Variants in STUM observed in about 807,000 individuals in gnomAD.
STUM encodes stum, mechanosensory transduction mediator homolog.
A neutral mutation model predicts 15.3 loss-of-function variants in STUM; 8 were observed. The ratio of observed to expected loss-of-function variants is 0.52; its 90% CI spans 0.31 to 0.94. The LOEUF is 0.94. Among genes scored for constraint, STUM ranks in the 40% least tolerant of loss-of-function variants. The pLI is 0.05. For synonymous variants in STUM, 78 were observed against 88.7 expected, an observed-to-expected ratio of 0.88 and a Z score of 0.68; for missense variants, 142 against 204.9, an observed-to-expected ratio of 0.69 and a Z score of 1.87.
intron 1 of STUM, among the ~76,000 whole-genome samples, chr1:226,589,599 C>T (rs1571810036): frequency 2.0e-5 from 3 of 152,186 alleles, no homozygotes; most frequent in Admixed American, 2.0e-4. Flanking sequence ...CATGGTAGGA[C>T]GTGCAAACCA....
chr1:226,601,120 G>GT (rs3068290), intron 3 of STUM, among the ~76,000 whole-genome samples: 8,314 of 149,826 alleles, frequency 0.055, 268 homozygotes, highest in South Asian at 0.15. Flanking sequence ...AGTAGGTATC[G>GT]TTTTTTTTTT....
rs968907088 is a variant in STUM, at chr1:226,552,392, C to G, written c.202+3286C>G. ...TACTAATAAAGACCACCGTTGGTAC[C>G]TTCATGTTCCAACAATTAGGGTGTT... On this transcript the variant is annotated intron_variant, in intron 1 of 3. Transcript: ENST00000366788. This position sits in a 1 kb window ranked among gnomAD's most constrained non-coding sequence, Gnocchi z 4.7. 6.6e-6 allele frequency among the ~76,000 whole-genome samples: 1 copy of G among 152,178 alleles called. No homozygotes were observed. The highest frequency in any genetic ancestry group is 1.5e-5 in the Non-Finnish European group (1 of 68,044).
chr1:226,569,276 G>A (rs1667669379), intron 1 of STUM, among the ~76,000 whole-genome samples: 1 of 152,148 alleles, frequency 6.6e-6, no homozygotes, highest in East Asian at 1.9e-4. Context: ...ATATAGTGAG[G>A]CTTACATGTT....
chr1:226,572,702 A>C (rs2102695995), intron 1 of STUM, among the ~76,000 whole-genome samples: 1 of 152,276 alleles, frequency 6.6e-6, no homozygotes, highest in South Asian at 2.1e-4. Context: ...AAAGTGCCCC[A>C]ACCTCTGGGG....
intron 1 of STUM, among the ~76,000 whole-genome samples, chr1:226,582,271 A>C (rs769877657): frequency 3.3e-5 from 5 of 152,220 alleles, no homozygotes; most frequent in Non-Finnish European, 7.3e-5. Flanking sequence ...TAGGTTTCTC[A>C]AATCCATTTG....
chr1:226,606,471 T>C lies in STUM; in HGVS notation c.*4431T>C, dbSNP rs1038435384. 3 of 152,180 alleles carry C rather than the reference T, an allele frequency of 2.0e-5. No homozygotes were observed. Among genetic ancestry groups the C allele is most frequent in the African/African-American group, 7.2e-5 (3 of 41,430 alleles). 9.4% of individuals were successfully genotyped at this position (152,180 alleles called of 1,614,324 possible). A position where few individuals can be genotyped will look rare whatever the true frequency, so the allele number is the denominator to read the frequency against. ...GGCTGTTTCTTATGGTGTTAGTGAA[T>C]TTTGCAAAGAAAGCCCTGAGCATTG... On this transcript the variant is annotated 3_prime_UTR_variant, in exon 4 of 4. Coordinates refer to ENST00000366788, the MANE Select transcript of STUM (RefSeq NM_001003665.4).
chr1:226,608,727 G>C lies in STUM; in HGVS notation c.*6687G>C, dbSNP rs1487761893. 6.6e-6 allele frequency: 1 copy of C among 152,172 alleles called. No homozygotes were observed. The highest frequency in any genetic ancestry group is 2.4e-5 in the African/African-American group (1 of 41,404). The allele number at this position is 152,172 out of a possible 1,614,324, so 9.4% of individuals were successfully genotyped here. On this transcript the variant is annotated 3_prime_UTR_variant, in exon 4 of 4. Transcript: ENST00000366788. The surrounding 1 kb of genome is among the most constrained non-coding windows in gnomAD (Gnocchi z 4.0). Reference sequence around the variant, plus strand: ...GTATTTCCAGCCTATTCCAATGACTGAAACCCTTCTTGGAAGAAAACGTCT... The same window carrying C: ...GTATTTCCAGCCTATTCCAATGACTCAAACCCTTCTTGGAAGAAAACGTCT...
At chr1:226,585,805 G>C (rs1364069209) in intron 1 of STUM, among the ~76,000 whole-genome samples, 1 of 152,204 alleles carries the variant, frequency 6.6e-6, no homozygotes, top group Non-Finnish European at 1.5e-5. Context: ...AATTCGGTAT[G>C]ATTTTAAGGA....
At position 226,600,577 on chromosome 1, in the gene STUM, C is replaced by T. The variant is rs371760571; in HGVS notation, c.383-89C>T. The T allele has an allele frequency of 2.7e-5, 40 of 1,495,380 alleles. No individual in the cohort carries two copies. Among genetic ancestry groups the T allele is most frequent in the Non-Finnish European group, 3.1e-5 (34 of 1,081,670 alleles). The allele number at this position is 1,495,380 out of a possible 1,614,324, so 92.6% of individuals were successfully genotyped here. A position where few individuals can be genotyped will look rare whatever the true frequency, so the allele number is the denominator to read the frequency against. ...GATCTGCTTTGTTTCCTGTGCCAAGCGTTCCCTGTGGCTCTGTTTTCAGGC... is the reference window on the plus strand; with the variant it reads ...GATCTGCTTTGTTTCCTGTGCCAAGTGTTCCCTGTGGCTCTGTTTTCAGGC... On this transcript the variant is annotated intron_variant, in intron 2 of 3. Transcript: ENST00000366788. The surrounding 1 kb of genome is among the most constrained non-coding windows in gnomAD (Gnocchi z 5.2).
At chr1:226,583,537 T>G (rs192319986) in intron 1 of STUM, among the ~76,000 whole-genome samples, 1 of 152,340 alleles carries the variant, frequency 6.6e-6, no homozygotes, top group East Asian at 1.9e-4. Context: ...CAGGACAGCA[T>G]AAAGCAATTC....
At chr1:226,575,424 G>T (rs536776595) in intron 1 of STUM, among the ~76,000 whole-genome samples, 1 of 152,368 alleles carries the variant, frequency 6.6e-6, no homozygotes, top group Admixed American at 6.5e-5. Context: ...CCAGCAGGCT[G>T]CCCTCCAATC....
chr1:226,585,642 C>T (rs988480229), intron 1 of STUM, among the ~76,000 whole-genome samples: 2 of 152,176 alleles, frequency 1.3e-5, no homozygotes, highest in African/African-American at 4.8e-5. Flanking sequence ...GCCTCAGTCC[C>T]CACTCAGAGG....
chr1:226,590,681 G>A lies in STUM; in HGVS notation c.203-6121G>A, dbSNP rs145069874. Among the ~76,000 whole-genome samples, 491 of 152,164 alleles carry A rather than the reference G, an allele frequency of 3.2e-3. 3 individuals carry two copies. The highest frequency in any genetic ancestry group is 5.5e-3 in the Non-Finnish European group (374 of 68,012). On this transcript the variant is annotated intron_variant, in intron 1 of 3. Coordinates refer to ENST00000366788, the MANE Select transcript of STUM (RefSeq NM_001003665.4). The stretch of plus-strand genomic sequence containing the variant: ...TGGGCATTTTAATCTCCATGTGAAC[G>A]GCCAGGCCAGCCTGTCTCCAGATGC...
intron 1 of STUM, among the ~76,000 whole-genome samples, chr1:226,570,077 C>G (rs1433982448): frequency 6.6e-6 from 1 of 152,140 alleles, no homozygotes; most frequent in Non-Finnish European, 1.5e-5. Flanking sequence ...CCCTGGAGGC[C>G]CTCCTTCACA....
intron 1 of STUM, among the ~76,000 whole-genome samples, chr1:226,562,763 A>G (rs1052524670): frequency 1.3e-5 from 2 of 152,226 alleles, no homozygotes; most frequent in East Asian, 1.9e-4. Flanking sequence ...GCTGTATACA[A>G]AACGTAATCT....
Position 226,548,821 on chromosome 1 carries a change from G to T in STUM, c.-84G>T. 1 of 1,131,642 alleles carries T rather than the reference G, an allele frequency of 8.8e-7. No homozygotes were observed. 70.1% of individuals were successfully genotyped at this position (1,131,642 alleles called of 1,614,324 possible). ...GCCTGAGCTCGGCGCGGAGCCCGGA[G>T]CCCGCAGCCGACAGTCTCCTGCTCC... is the stretch of plus-strand genomic sequence containing the variant. On this transcript the variant is annotated 5_prime_UTR_variant, in exon 1 of 4. Coordinates refer to ENST00000366788, the MANE Select transcript of STUM (RefSeq NM_001003665.4).
At chr1:226,597,484 C>T (rs771802533) in intron 2 of STUM, 1 of 472,262 alleles carries the variant, frequency 2.1e-6, no homozygotes, top group Admixed American at 2.3e-5. Flanking sequence ...TCACTCTGTA[C>T]CCCATGCCCC....
intron 1 of STUM, among the ~76,000 whole-genome samples, chr1:226,553,361 A>G (rs904721791): frequency 6.6e-6 from 1 of 152,242 alleles, no homozygotes; most frequent in South Asian, 2.1e-4. Context: ...CCACCCAAAC[A>G]AAACAGAAAG....
intron 1 of STUM, among the ~76,000 whole-genome samples, chr1:226,569,934 G>A (rs893797954): frequency 6.6e-6 from 1 of 152,180 alleles, no homozygotes; most frequent in African/African-American, 2.4e-5. Context: ...AGTAAGGTGA[G>A]GTCAGTGGTT....
Sources: allele counts gnomAD v4.1 joint callset (sites outside exome capture counted in the v4.1 genomes callset), GRCh38; gene constraint gnomAD v4.1.1; non-coding constraint Gnocchi (gnomAD v3.1); transcripts MANE v1.5; gene names NCBI Gene and HGNC (gene_info 2026-07-23, HGNC 2026-07-21).